Variants in NFIL3 observed in about 807,000 individuals in gnomAD.
NFIL3 encodes nuclear factor interleukin-3-regulated protein.
A neutral mutation model predicts 10.0 loss-of-function variants in NFIL3; 5 were observed. That is an observed-to-expected ratio of 0.50 (90% CI 0.26 to 1.06). The LOEUF (loss-of-function observed/expected upper bound fraction) is 1.06, where lower values mean the gene tolerates loss of function less well. Among genes scored for constraint, NFIL3 ranks in the 50% least tolerant of loss-of-function variants. The pLI is 0.13. For missense variants in NFIL3, 436 were observed against 547.6 expected, an observed-to-expected ratio of 0.80 and a Z score of 2.03; for synonymous variants, 202 against 206.5, an observed-to-expected ratio of 0.98 and a Z score of 0.19.
At chr9:91,446,270 G>A in the NFIL3 span, among the ~76,000 whole-genome samples, 1 of 152,182 alleles carries the variant, frequency 6.6e-6, no homozygotes, top group African/African-American at 2.4e-5. Flanking sequence ...CCAGTTGGTG[G>A]AGGCAAACTG....
At chr9:91,457,237 G>C in the NFIL3 span, among the ~76,000 whole-genome samples, 97 of 147,464 alleles carry the variant, frequency 6.6e-4, no homozygotes, top group African/African-American at 2.4e-3. Context: ...GGATCAGTTT[G>C]TCAGTTTTTG....
the NFIL3 span, among the ~76,000 whole-genome samples, chr9:91,463,826 C>T: frequency 6.6e-6 from 1 of 152,058 alleles, no homozygotes; most frequent in African/African-American, 2.4e-5. Flanking sequence ...TTGCCTCATG[C>T]ATTTTGATGC....
rs1833531310 is a variant in NFIL3 at position 91,410,682 on chromosome 9, G to C, written c.53C>G (p.Ala18Gly). 1 of 1,610,090 alleles carries C rather than the reference G, an allele frequency of 6.2e-7. No individual in the cohort carries two copies. The highest frequency in any genetic ancestry group is 8.5e-7 in the Non-Finnish European group (1 of 1,178,992). The change falls in exon 2 of 2, where the codon GCC (alanine) becomes GGC (glycine). Residue 18 changes from alanine (A) to glycine (G), a missense_variant. Ala to Gly is a moderately conservative substitution (Grantham distance 60). Transcript: ENST00000297689. This position sits in a 1 kb window ranked among gnomAD's most constrained non-coding sequence, Gnocchi z 5.7. ...CATCATCTTGTCCACATTGCTACTG[G>C]CATCAAGAGACGCCTGCTCCTTTTT... ...TVKKEQASLDASSNVDKMMVL... is the reference protein window; with the variant it reads ...TVKKEQASLDGSSNVDKMMVL...
the NFIL3 span, among the ~76,000 whole-genome samples, chr9:91,455,743 A>G: frequency 6.6e-6 from 1 of 152,188 alleles, no homozygotes; most frequent in Admixed American, 6.5e-5. Context: ...CTGTGACACC[A>G]TCACCACATT....
In NFIL3 at chr9:91,410,691, G is replaced by A. The variant is rs764265413; in HGVS notation, c.44C>T (p.Ser15Phe). The A allele has an allele frequency of 4.4e-6, 7 of 1,608,460 alleles. No homozygotes were observed. Among genetic ancestry groups the A allele is most frequent in the African/African-American group, 4.0e-5 (3 of 74,514 alleles). Residue 15 changes from serine to phenylalanine, a missense_variant, in exon 2 of 2, where the codon TCT becomes TTT. Coordinates refer to ENST00000297689, the MANE Select transcript of NFIL3 (RefSeq NM_005384.3). The surrounding 1 kb of genome is among the most constrained non-coding windows in gnomAD (Gnocchi z 5.7). ...GTCCACATTGCTACTGGCATCAAGAGACGCCTGCTCCTTTTTGACGGTCTG... is the reference window on the plus strand; with the variant it reads ...GTCCACATTGCTACTGGCATCAAGAAACGCCTGCTCCTTTTTGACGGTCTG... The part of the protein sequence containing the change: ...KMQTVKKEQA[S>F]LDASSNVDKM...
chr9:91,434,816 A>C, the NFIL3 span, among the ~76,000 whole-genome samples: 1 of 152,232 alleles, frequency 6.6e-6, no homozygotes, highest in Admixed American at 6.5e-5. Context: ...ATGTACAACC[A>C]AAAATCGCTT....
In NFIL3 at chr9:91,409,164, A is replaced by G; in HGVS notation, c.*182T>C. 1 of 587,992 alleles carries G rather than the reference A, an allele frequency of 1.7e-6. No homozygotes were observed. The highest frequency in any genetic ancestry group is 2.5e-5 in the South Asian group (1 of 39,534). 36.4% of individuals were successfully genotyped at this position (587,992 alleles called of 1,614,324 possible). ...ATGGACTATCTGACTATACACAGGC[A>G]GAGTGATAACACAATCTAATCTTCA... On this transcript the variant is annotated 3_prime_UTR_variant, in exon 2 of 2. Coordinates refer to ENST00000297689, the MANE Select transcript of NFIL3 (RefSeq NM_005384.3).
chr9:91,430,736 C>T, the NFIL3 span, among the ~76,000 whole-genome samples: 1 of 152,138 alleles, frequency 6.6e-6, no homozygotes, highest in Non-Finnish European at 1.5e-5. Flanking sequence ...GCCTTGACCT[C>T]CTGAGCTCAA....
the NFIL3 span, among the ~76,000 whole-genome samples, chr9:91,480,213 G>A: frequency 6.6e-6 from 1 of 151,362 alleles, no homozygotes; most frequent in Admixed American, 6.6e-5. Context: ...TTTGATCTTG[G>A]CTCACTGCCT....
At chr9:91,467,020 A>G in the NFIL3 span, among the ~76,000 whole-genome samples, 5 of 152,342 alleles carry the variant, frequency 3.3e-5, no homozygotes, top group South Asian at 1.0e-3. Flanking sequence ...TCTGCAAAGC[A>G]GACTGCATTG....
Position 91,409,607 on chromosome 9 carries a change from A to T in NFIL3, c.1128T>A (p.Ser376=), listed in dbSNP as rs1367544110. ...EKHSAPSMVH[S]SLTPFSVQVT... ...CTTGCACTGAGAAAGGAGTAAGAGA[A>T]GAATGTACCATACTTGGGGCACTAT... The change falls in exon 2 of 2, where the codon TCT becomes TCA. Residue 376 remains serine (S), a synonymous_variant. Transcript: ENST00000297689. 1 of 1,614,240 alleles carries T rather than the reference A, an allele frequency of 6.2e-7. No individual in the cohort carries two copies. Among genetic ancestry groups the T allele is most frequent in the Non-Finnish European group, 8.5e-7 (1 of 1,180,034 alleles).
At chr9:91,466,396 T>C in the NFIL3 span, among the ~76,000 whole-genome samples, 1 of 152,134 alleles carries the variant, frequency 6.6e-6, no homozygotes, top group Non-Finnish European at 1.5e-5. Context: ...TGAAAGTAGT[T>C]ATAAAAAGCA....
intron 1 of NFIL3, among the ~76,000 whole-genome samples, chr9:91,412,484 T>G (rs889909335): frequency 2.6e-5 from 4 of 152,166 alleles, no homozygotes; most frequent in African/African-American, 9.7e-5. Context: ...TTTCGTTAAA[T>G]AGACATGGTA....
chr9:91,429,972 A>G, the NFIL3 span, among the ~76,000 whole-genome samples: 1 of 152,066 alleles, frequency 6.6e-6, no homozygotes, highest in Admixed American at 6.5e-5. Context: ...TTTGACAACC[A>G]TTTATAATTA....
At chr9:91,481,703 A>C in the NFIL3 span, among the ~76,000 whole-genome samples, 1 of 152,316 alleles carries the variant, frequency 6.6e-6, no homozygotes, top group South Asian at 2.1e-4. Flanking sequence ...ATTTTAAAAT[A>C]TTATGGCAAA....
chr9:91,458,496 C>G, the NFIL3 span, among the ~76,000 whole-genome samples: 2 of 151,950 alleles, frequency 1.3e-5, no homozygotes, highest in Admixed American at 1.3e-4. Flanking sequence ...CACCTCTCTC[C>G]TTCTTGATAT....
At chr9:91,421,218 T>C (rs1833758367) in intron 1 of NFIL3, among the ~76,000 whole-genome samples, 2 of 148,058 alleles carry the variant, frequency 1.4e-5, no homozygotes, top group South Asian at 2.2e-4. Flanking sequence ...GCGCTGCCCC[T>C]GTCTGCCCCG....
chr9:91,436,802 A>G, the NFIL3 span, among the ~76,000 whole-genome samples: 44 of 152,348 alleles, frequency 2.9e-4, no homozygotes, highest in Non-Finnish European at 5.9e-5. Flanking sequence ...AAGTAGCCAT[A>G]AAGTGACAAA....
At chr9:91,464,270 T>C in the NFIL3 span, among the ~76,000 whole-genome samples, 4 of 152,100 alleles carry the variant, frequency 2.6e-5, no homozygotes, top group African/African-American at 9.7e-5. Context: ...TTTATATTAT[T>C]CCATTTTCTC....
Sources: gnomAD v4.1 joint callset for allele counts (sites outside exome capture counted in the v4.1 genomes callset) on GRCh38, gnomAD v4.1.1 for gene constraint, Gnocchi (gnomAD v3.1) non-coding constraint, MANE v1.5 for transcripts, NCBI Gene and HGNC (gene_info 2026-07-23, HGNC 2026-07-21) for gene names.